AIG1: variants seen among roughly 807,000 people sequenced by gnomAD.
AIG1 encodes androgen-induced gene 1 protein.
Under a neutral mutation model 31.4 loss-of-function variants are expected in AIG1, and 23 were observed. The ratio of observed to expected loss-of-function variants is 0.73; its 90% CI spans 0.53 to 1.04. The LOEUF (loss-of-function observed/expected upper bound fraction) is 1.04, where lower values mean the gene tolerates loss of function less well. Ranked by LOEUF, AIG1 falls within the 50% of genes least tolerant of loss-of-function variation. The probability of loss-of-function intolerance (pLI) is 0.00; values close to 1 mark genes in which losing one functional copy is unlikely to be tolerated. For synonymous variants in AIG1, 100 were observed against 110.5 expected (o/e 0.90, Z 0.60); for missense variants, 274 against 295.0 (o/e 0.93, Z 0.52).
intron 5 of AIG1, among the ~76,000 whole-genome samples, chr6:143,336,872 G>A (rs1777530461): frequency 6.6e-6 from 1 of 152,164 alleles, no homozygotes; most frequent in African/African-American, 2.4e-5. Context: ...ACAGAATGGT[G>A]GGACAGGCAT....
At chr6:143,073,664 C>T (rs989672416) in intron 1 of AIG1, among the ~76,000 whole-genome samples, 7 of 152,140 alleles carry the variant, frequency 4.6e-5, no homozygotes, top group South Asian at 2.1e-4. Context: ...TTAATTGGCT[C>T]ATGGTTCTGC....
intron 5 of AIG1, among the ~76,000 whole-genome samples, chr6:143,336,435 C>T (rs1354134988): frequency 6.6e-6 from 1 of 152,182 alleles, no homozygotes; most frequent in Non-Finnish European, 1.5e-5. Flanking sequence ...CCAGTGCCTT[C>T]TAACTGATGT....
Position 143,144,578 on chromosome 6 carries a change from G to A in AIG1, c.297+7588G>A, listed in dbSNP as rs767180777. ...AAGAATGACTAAGAACTTATTGGATGTATAAGTTAATGAGGTATTCAGTTG... is the reference window on the plus strand; with the variant it reads ...AAGAATGACTAAGAACTTATTGGATATATAAGTTAATGAGGTATTCAGTTG... On this transcript the variant is annotated intron_variant, in intron 2 of 5. Coordinates refer to ENST00000357847, the MANE Select transcript of AIG1 (RefSeq NM_016108.4). 2.2e-4 allele frequency among the ~76,000 whole-genome samples: 33 copies of A among 152,158 alleles called. 1 individual carries two copies. Among genetic ancestry groups the A allele is most frequent in the Non-Finnish European group, 4.0e-4 (27 of 68,024 alleles).
At chr6:143,185,123 G>A (rs1289712136) in intron 3 of AIG1, among the ~76,000 whole-genome samples, 1 of 151,390 alleles carries the variant, frequency 6.6e-6, no homozygotes, top group Admixed American at 6.6e-5. Context: ...TTGAATCTGG[G>A]AGGTGGAGGT....
chr6:143,311,216 C>T (rs1162631349), intron 4 of AIG1, among the ~76,000 whole-genome samples: 1 of 151,728 alleles, frequency 6.6e-6, no homozygotes, highest in Non-Finnish European at 1.5e-5. Flanking sequence ...TTTGCAAATC[C>T]AATTGAACAA....
chr6:143,234,037 G>T (rs906053461), intron 3 of AIG1, among the ~76,000 whole-genome samples: 7 of 152,150 alleles, frequency 4.6e-5, no homozygotes, highest in African/African-American at 1.4e-4. Context: ...AGCCAGCTCC[G>T]TTGCCTCTCT....
In AIG1 at chr6:143,292,479, C is replaced by A. The variant is rs1291595087; in HGVS notation, c.515+8254C>A. Among the ~76,000 whole-genome samples, 4 of 152,098 alleles carry A rather than the reference C, an allele frequency of 2.6e-5. No homozygotes were observed. Among genetic ancestry groups the A allele is most frequent in the Admixed American group, 2.6e-4 (4 of 15,268 alleles). On this transcript the variant is annotated intron_variant, in intron 4 of 5. Transcript: ENST00000357847. The surrounding 1 kb of genome is among the most constrained non-coding windows in gnomAD (Gnocchi z 4.9). ...AAGACAGAGGAAGGGGCTGTGAGCACGGAACAAGGGCCCCCTCTAGAAGCC... is the reference window on the plus strand; with the variant it reads ...AAGACAGAGGAAGGGGCTGTGAGCAAGGAACAAGGGCCCCCTCTAGAAGCC...
intron 1 of AIG1, among the ~76,000 whole-genome samples, chr6:143,120,227 C>T (rs1396391638): frequency 6.6e-6 from 1 of 152,164 alleles, no homozygotes; most frequent in Non-Finnish European, 1.5e-5. Flanking sequence ...AGCCACCACA[C>T]CCAGCCCAAT....
At chr6:143,188,297 G>A in intron 3 of AIG1, 2 of 985,958 alleles carry the variant, frequency 2.0e-6, no homozygotes, top group Non-Finnish European at 2.4e-6. Context: ...GTTAATTGAT[G>A]TTGACACCAG....
chr6:143,133,765 A>G (rs1783481933), intron 1 of AIG1, among the ~76,000 whole-genome samples: 1 of 152,070 alleles, frequency 6.6e-6, no homozygotes, highest in African/African-American at 2.4e-5. Context: ...TAGTGAATTA[A>G]CTTGTCCTTG....
intron 2 of AIG1, among the ~76,000 whole-genome samples, chr6:143,148,819 CA>C (rs751168065): frequency 5.7e-4 from 78 of 137,920 alleles, no homozygotes; most frequent in Admixed American, 7.2e-4. Flanking sequence ...ACTATGTCTC[CA>C]AAAAAAAAAA....
chr6:143,127,643 G>A, intron 1 of AIG1, among the ~76,000 whole-genome samples: 1 of 151,796 alleles, frequency 6.6e-6, no homozygotes, highest in Non-Finnish European at 1.5e-5. Flanking sequence ...GTACAAATTA[G>A]CAACTAATTA....
chr6:143,279,234 T>C lies in AIG1; in HGVS notation c.400-4876T>C, dbSNP rs1317597964. On this transcript the variant is annotated intron_variant, in intron 3 of 5. Transcript: ENST00000357847. The surrounding 1 kb of genome is among the most constrained non-coding windows in gnomAD (Gnocchi z 5.4). Reference sequence around the variant, plus strand: ...ATGGGCCCTGGCACTGTGGCTACTGTCCCTAAAGCATAGGTGGGTCAGCCC... The same window carrying C: ...ATGGGCCCTGGCACTGTGGCTACTGCCCCTAAAGCATAGGTGGGTCAGCCC... Among the ~76,000 whole-genome samples the C allele has an allele frequency of 1.3e-5, 2 of 152,320 alleles. No homozygotes were observed. The highest frequency in any genetic ancestry group is 1.9e-4 in the East Asian group (1 of 5,190).
rs149610670 is a variant in AIG1, at chr6:143,231,399, A to G, written c.400-52711A>G. Among the ~76,000 whole-genome samples the G allele has an allele frequency of 3.4e-3, 525 of 152,318 alleles. 2 individuals are homozygous for G. Among genetic ancestry groups the G allele is most frequent in the African/African-American group, 0.012 (513 of 41,578 alleles). ...TATTATGCTAATTTTTAAAATAGAC[A>G]TAAGATGAGGCGCATTGACTTAGCT... On this transcript the variant is annotated intron_variant, in intron 3 of 5. Transcript: ENST00000357847.
intron 1 of AIG1, among the ~76,000 whole-genome samples, chr6:143,100,425 CA>C (rs1165337832): frequency 2.0e-5 from 3 of 152,090 alleles, no homozygotes; most frequent in African/African-American, 7.2e-5. Context: ...AATACTCTTA[CA>C]AAGAAAGCAG....
rs578148398 is a variant in AIG1 at position 143,069,170 on chromosome 6, A to G, written c.141+8104A>G. Among the ~76,000 whole-genome samples the G allele has an allele frequency of 8.6e-5, 13 of 151,606 alleles. No individual in the cohort carries two copies. In the South Asian group the frequency reaches 2.7e-3, roughly 32 times the overall value. ...GCTGGGATTACAGGTGCATGCCGCC[A>G]CTCCTGGCTAATTTTTTTGTATTTT... On this transcript the variant is annotated intron_variant, in intron 1 of 5. Transcript: ENST00000357847.
At chr6:143,089,938 C>T (rs1321855340) in intron 1 of AIG1, among the ~76,000 whole-genome samples, 1 of 152,182 alleles carries the variant, frequency 6.6e-6, no homozygotes, top group Non-Finnish European at 1.5e-5. Context: ...TTTCAAACTA[C>T]AGTAGTATGG....
intron 3 of AIG1, among the ~76,000 whole-genome samples, chr6:143,218,805 C>T (rs1265872113): frequency 6.6e-6 from 1 of 152,204 alleles, no homozygotes; most frequent in African/African-American, 2.4e-5. Flanking sequence ...ACCTCTGCTA[C>T]TTTCTGACCC....
intron 3 of AIG1, among the ~76,000 whole-genome samples, chr6:143,249,913 G>A (rs1794898548): frequency 6.6e-6 from 1 of 152,230 alleles, no homozygotes; most frequent in South Asian, 2.1e-4. Flanking sequence ...CCTGCAGAAG[G>A]CTGTCTTTGG....
Sources: gnomAD v4.1 joint callset for allele counts (sites outside exome capture counted in the v4.1 genomes callset) on GRCh38, gnomAD v4.1.1 for gene constraint, Gnocchi (gnomAD v3.1) non-coding constraint, MANE v1.5 for transcripts, NCBI Gene and HGNC (gene_info 2026-07-23, HGNC 2026-07-21) for gene names.